The following MTMR8 variants were observed in gnomAD, a reference collection of about 807,000 sequenced individuals.
MTMR8 encodes myotubularin related protein 8.
A neutral mutation model predicts 39.3 loss-of-function variants in MTMR8; 65 were observed. The ratio of observed to expected loss-of-function variants is 1.65; its 90% CI spans 1.35 to 2.03. The LOEUF is 2.03. Among genes scored for constraint, MTMR8 ranks in the 30% most tolerant of loss-of-function variants. The pLI, the probability that MTMR8 is intolerant of heterozygous loss-of-function variation, is 0.00. For synonymous variants in MTMR8, 245 were observed against 185.2 expected (o/e 1.32, Z -2.62); for missense variants, 777 against 538.9 (o/e 1.44, Z -4.37).
At chrX:64,309,373 TTG>T (rs1922225352) in intron 12 of MTMR8, among the ~76,000 whole-genome samples, 1 of 111,971 alleles carries the variant, frequency 8.9e-6, no homozygotes. Context: ...GTAAATGGTA[TTG>T]TGTTTTTAAT....
intron 5 of MTMR8, 150 bp downstream of exon 5, chrX:64,349,792 G>A (rs1923440532): frequency 2.9e-6 from 1 of 342,889 alleles, no homozygotes. Flanking sequence ...TTCCTACTGA[G>A]ATCCTCTCAA....
At chrX:64,316,604 C>T (rs146179920) in intron 12 of MTMR8, among the ~76,000 whole-genome samples, 2,199 of 110,680 alleles carry the variant, frequency 0.02, 23 homozygotes, top group Non-Finnish European at 0.033. Context: ...GCCATGATTG[C>T]ACCAATGCAC....
In MTMR8 at chrX:64,321,622, T is replaced by A. The variant is rs190903661; in HGVS notation, c.1481+7150A>T. 1.6e-4 allele frequency among the ~76,000 whole-genome samples: 17 copies of A among 109,418 alleles called. No individual in the cohort carries two copies. In the East Asian group the frequency reaches 3.7e-3, roughly 24 times the overall value. ...CAGACCAATAAGTGCACAGAGAGAG[T>A]CCTAAAAGGATAGGAGTGATAGAAA... On this transcript the variant is annotated intron_variant, in intron 12 of 13. Coordinates refer to ENST00000374852, the MANE Select transcript of MTMR8 (RefSeq NM_017677.4).
At chrX:64,283,666 C>T (rs1251179601) in intron 12 of MTMR8, among the ~76,000 whole-genome samples, 4 of 112,317 alleles carry the variant, frequency 3.6e-5, no homozygotes, top group African/African-American at 1.3e-4. Context: ...TGCTGTTGAG[C>T]AATATTCGCT....
chrX:64,300,715 C>T lies in MTMR8; in HGVS notation c.1481+28057G>A, dbSNP rs764063536. Among the ~76,000 whole-genome samples the T allele has an allele frequency of 3.3e-4, 34 of 103,898 alleles. No individual in the cohort carries two copies. In the South Asian group the frequency reaches 6.9e-3, roughly 21 times the overall value. 90.2% of individuals were successfully genotyped at this position (103,898 alleles called of 115,157 possible). ...GGCATGATTTTGCAGCAGCTGGTAC[C>T]GGTTGTTCCTTTCCATGTTTAGCGC... On this transcript the variant is annotated intron_variant, in intron 12 of 13. Transcript: ENST00000374852.
chrX:64,357,436 T>G (rs1923655563), intron 2 of MTMR8, among the ~76,000 whole-genome samples: 1 of 111,260 alleles, frequency 9.0e-6, no homozygotes, highest in African/African-American at 3.3e-5. Context: ...AATTTTCTAT[T>G]TTTTTTAAGG....
At chrX:64,321,863 T>C (rs1015376478) in intron 12 of MTMR8, among the ~76,000 whole-genome samples, 1 of 111,967 alleles carries the variant, frequency 8.9e-6, no homozygotes, top group African/African-American at 3.2e-5. Context: ...GTTTTTATCA[T>C]GAAGAGATGT....
intron 1 of MTMR8, among the ~76,000 whole-genome samples, chrX:64,388,364 C>T (rs1027560255): frequency 1.8e-5 from 2 of 111,757 alleles, no homozygotes; most frequent in Non-Finnish European, 3.8e-5. Flanking sequence ...TTATGACAAG[C>T]CTCTCTAATT....
At position 64,386,814 on chromosome X, in the gene MTMR8, TAGG is replaced by T. The variant is rs781599897; in HGVS notation, c.24+8523_24+8525del. On this transcript the variant is annotated intron_variant, in intron 1 of 13. Transcript: ENST00000374852. ...ATTCCAGAACTTTGGGAGGCCCAAG[TAGG>T]AGGATTGCTTGGGCCCAGGAGTTCA... Among the ~76,000 whole-genome samples the T allele has an allele frequency of 2.7e-5, 3 of 109,793 alleles. 1 individual carries two copies. In the East Asian group the frequency reaches 8.6e-4, roughly 32 times the overall value.
At chrX:64,294,316 A>G (rs1256132662) in intron 12 of MTMR8, among the ~76,000 whole-genome samples, 3 of 111,600 alleles carry the variant, frequency 2.7e-5, no homozygotes, top group Non-Finnish European at 5.7e-5. Flanking sequence ...AGTTAATCAC[A>G]ATTTGCCTTC....
intron 1 of MTMR8, 130 bp from the exon 2 acceptor site, chrX:64,359,657 T>C (rs946750575): frequency 3.0e-5 from 19 of 629,503 alleles, no homozygotes; most frequent in Non-Finnish European, 4.0e-5. Flanking sequence ...CCTGCCAAGG[T>C]GGCAAACTAC....
intron 12 of MTMR8, among the ~76,000 whole-genome samples, chrX:64,281,386 A>G (rs1407308134): frequency 9.0e-6 from 1 of 111,494 alleles, no homozygotes; most frequent in Non-Finnish European, 1.9e-5. Context: ...TAGATCTCAG[A>G]AAAAACACCA....
At chrX:64,293,253 GTA>G (rs1921459446) in intron 12 of MTMR8, among the ~76,000 whole-genome samples, 1 of 111,695 alleles carries the variant, frequency 9.0e-6, no homozygotes, top group African/African-American at 3.3e-5. Context: ...ACTGGATTTA[GTA>G]GAAATACATG....
In MTMR8 at chrX:64,307,762, A is replaced by G. The variant is rs190649487; in HGVS notation, c.1481+21010T>C. On this transcript the variant is annotated intron_variant, in intron 12 of 13. Transcript: ENST00000374852. ...TGCCTGCGATTTTCATAGGAAATGT[A>G]TTGTAATTGCATACCAATTTGGGAA... 3.9e-3 allele frequency among the ~76,000 whole-genome samples: 443 copies of G among 112,353 alleles called. 3 individuals carry two copies. Among genetic ancestry groups the G allele is most frequent in the African/African-American group, 0.013 (414 of 30,921 alleles).
chrX:64,373,862 T>G (rs1924191214), intron 1 of MTMR8, among the ~76,000 whole-genome samples: 1 of 111,344 alleles, frequency 9.0e-6, no homozygotes, highest in Admixed American at 9.6e-5. Flanking sequence ...AGTAACTGTA[T>G]CTGAAGAATA....
chrX:64,369,479 C>T (rs1027930205), intron 1 of MTMR8, among the ~76,000 whole-genome samples: 13 of 111,156 alleles, frequency 1.2e-4, no homozygotes, highest in Admixed American at 2.9e-4. Context: ...ATGGATGAAG[C>T]TGGAAACCAT....
intron 12 of MTMR8, among the ~76,000 whole-genome samples, chrX:64,299,653 T>A (rs1156725644): frequency 3.5e-5 from 3 of 85,183 alleles, no homozygotes; most frequent in African/African-American, 1.3e-4. Flanking sequence ...GCTTTTCTAG[T>A]TCTTTTAATT....
intron 1 of MTMR8, among the ~76,000 whole-genome samples, chrX:64,394,232 G>C: frequency 9.0e-6 from 1 of 111,576 alleles, no homozygotes. Flanking sequence ...TGATTCAACC[G>C]TCTCCCACCG....
chrX:64,339,335 A>C (rs1923156968), intron 8 of MTMR8, among the ~76,000 whole-genome samples: 1 of 111,776 alleles, frequency 8.9e-6, no homozygotes, highest in South Asian at 3.8e-4. Flanking sequence ...CAGGACTACA[A>C]AAAGGGTTCA....
Sources: allele counts gnomAD v4.1 joint callset (sites outside exome capture counted in the v4.1 genomes callset), GRCh38; gene constraint gnomAD v4.1.1; transcripts MANE v1.5; gene names NCBI Gene and HGNC (gene_info 2026-07-23, HGNC 2026-07-21).